PCM1: variants seen among roughly 807,000 people sequenced by gnomAD.
PCM1 encodes pericentriolar material 1 protein.
A neutral mutation model predicts 241.9 loss-of-function variants in PCM1; 157 were observed. That is an observed-to-expected ratio of 0.65 (90% CI 0.57 to 0.74). The LOEUF (loss-of-function observed/expected upper bound fraction) is 0.74, where lower values mean the gene tolerates loss of function less well. Among genes scored for constraint, PCM1 ranks in the 30% least tolerant of loss-of-function variants. PCM1 has a pLI of 0.00. For synonymous variants in PCM1, 1,085 were observed against 784.9 expected (o/e 1.38, Z -6.39); for missense variants, 3,478 against 2,360.1 (o/e 1.47, Z -9.81).
At position 17,957,723 on chromosome 8, in the gene PCM1, T is replaced by A. The variant is rs371881114; in HGVS notation, c.1988T>A (p.Met663Lys). The change falls in exon 13 of 39, where the codon ATG becomes AAG. Residue 663 changes from methionine to lysine, a missense_variant. By Grantham distance (95) the Met-to-Lys change is moderately conservative. Transcript: ENST00000325083. ...AEFEQKINRLMAAKQKLRQLQ... is the reference protein window; with the variant it reads ...AEFEQKINRLKAAKQKLRQLQ... ...TTTGAACAGAAGATCAACCGACTTA[T>A]GGCTGCAAAACAGAAACTTAGACAG... The A allele has an allele frequency of 3.3e-5, 53 of 1,613,622 alleles. No homozygotes were observed. The highest frequency in any genetic ancestry group is 4.2e-5 in the Non-Finnish European group (49 of 1,179,796).
chr8:18,001,483 A>G (rs2089404969), intron 29 of PCM1, among the ~76,000 whole-genome samples: 1 of 152,234 alleles, frequency 6.6e-6, no homozygotes, highest in Non-Finnish European at 1.5e-5. Flanking sequence ...GGTAAGCAGT[A>G]CTATTAATTT....
chr8:17,939,833 C>T lies in PCM1; in HGVS notation c.755C>T (p.Ser252Leu). ...LIDHLKEQEKSYMKFLKKILA... is the reference protein window; with the variant it reads ...LIDHLKEQEKLYMKFLKKILA... ...GATCACCTTAAAGAACAAGAGAAGT[C>T]ATATATGAAATTTCTTAAAAAAATC... Residue 252 changes from serine (S) to leucine (L), a missense_variant, in exon 6 of 39, where the codon TCA (serine) becomes TTA (leucine). Ser to Leu is a moderately radical substitution (Grantham distance 145). Transcript: ENST00000325083. 1 of 1,508,442 alleles carries T rather than the reference C, an allele frequency of 6.6e-7. No individual in the cohort carries two copies. Among genetic ancestry groups the T allele is most frequent in the Non-Finnish European group, 9.0e-7 (1 of 1,117,168 alleles). The allele number at this position is 1,508,442 out of a possible 1,614,324, so 93.4% of individuals were successfully genotyped here. A position where few individuals can be genotyped will look rare whatever the true frequency, so the allele number is the denominator to read the frequency against.
chr8:17,939,559 C>T, intron 5 of PCM1, 132 bp from the exon 6 acceptor site: 3 of 465,592 alleles, frequency 6.4e-6, no homozygotes, highest in Non-Finnish European at 7.3e-6. Flanking sequence ...TGTTAATTCA[C>T]ACAATAATCC....
intron 16 of PCM1, 21 bp from the exon 17 acceptor site, chr8:17,963,080 C>G (rs775397311): frequency 1.3e-6 from 2 of 1,560,094 alleles, no homozygotes; most frequent in South Asian, 1.2e-5. Context: ...TTATTTAACT[C>G]TGGTTTCTTA....
intron 23 of PCM1, among the ~76,000 whole-genome samples, chr8:17,975,080 A>G (rs1445045089): frequency 6.6e-6 from 1 of 152,040 alleles, no homozygotes; most frequent in Non-Finnish European, 1.5e-5. Context: ...ATCAGTATGT[A>G]TTTTTCTTCA....
chr8:18,008,039 G>A (rs144711927), intron 30 of PCM1, among the ~76,000 whole-genome samples: 2 of 152,338 alleles, frequency 1.3e-5, no homozygotes, highest in Non-Finnish European at 2.9e-5. Flanking sequence ...CAAGCACAGT[G>A]TTGGAGGGAT....
At chr8:17,940,502 A>C (rs904442528) in intron 6 of PCM1, among the ~76,000 whole-genome samples, 5 of 152,226 alleles carry the variant, frequency 3.3e-5, no homozygotes, top group Admixed American at 3.3e-4. Flanking sequence ...GGCAATAGGC[A>C]ACATTAGTGA....
At chr8:18,000,652 A>G (rs938841116) in intron 29 of PCM1, among the ~76,000 whole-genome samples, 2 of 151,876 alleles carry the variant, frequency 1.3e-5, no homozygotes, top group African/African-American at 4.8e-5. Flanking sequence ...ACAGAGGCTC[A>G]CTCTTATCAC....
At chr8:17,974,911 C>G (rs1451011980) in intron 23 of PCM1, among the ~76,000 whole-genome samples, 1 of 150,822 alleles carries the variant, frequency 6.6e-6, no homozygotes, top group Non-Finnish European at 1.5e-5. Context: ...GGCTTGATAG[C>G]AGAATCAAAC....
Position 18,025,651 on chromosome 8 carries a change from A to C in PCM1, c.6042A>C (p.Lys2014Asn). ...EELAGNSETL[K>N]EPETVGAQSI The stretch of plus-strand genomic sequence containing the variant: ...TAGCTGGAAATTCTGAGACACTAAA[A>C]GAACCTGGTAAGAGTTATCAATTTA... Residue 2014 changes from lysine (K) to asparagine (N), a missense_variant, in exon 38 of 39, where the codon AAA becomes AAC. By Grantham distance (94) the Lys-to-Asn change is moderately conservative. Coordinates refer to ENST00000325083, the MANE Select transcript of PCM1 (RefSeq NM_006197.4). The C allele has an allele frequency of 1.3e-6, 2 of 1,520,306 alleles. No homozygotes were observed. The highest frequency in any genetic ancestry group is 1.8e-6 in the Non-Finnish European group (2 of 1,113,732). 94.2% of individuals were successfully genotyped at this position (1,520,306 alleles called of 1,614,324 possible). A position where few individuals can be genotyped will look rare whatever the true frequency, so the allele number is the denominator to read the frequency against.
At chr8:17,963,345 C>G in intron 17 of PCM1, 54 bp downstream of exon 17, 1 of 1,364,032 alleles carries the variant, frequency 7.3e-7, no homozygotes, top group Non-Finnish European at 1.0e-6. Flanking sequence ...CGAAGATTGA[C>G]CTGTAGGCTA....
Position 17,964,587 on chromosome 8 carries a change from G to C in PCM1, c.2674G>C (p.Gly892Arg), listed in dbSNP as rs2074075706. 1.9e-6 allele frequency: 3 copies of C among 1,613,220 alleles called. No individual in the cohort carries two copies. In the South Asian group the frequency reaches 3.3e-5, roughly 18 times the overall value. ...RTEKTMATWG[G>R]STQCALDEEG... ...CACTAGAACGATGGCAACTTGGGGAGGGTCTACCCAGTGTGCACTAGATGA... is the reference window on the plus strand; with the variant it reads ...CACTAGAACGATGGCAACTTGGGGACGGTCTACCCAGTGTGCACTAGATGA... Residue 892 changes from glycine (G) to arginine (R), a missense_variant, in exon 18 of 39, where the codon GGG (glycine) becomes CGG (arginine). By Grantham distance (125) the Gly-to-Arg change is moderately radical (BLOSUM62 -2). Transcript: ENST00000325083.
intron 2 of PCM1, chr8:17,925,857 A>G (rs539110682): frequency 6.6e-6 from 1 of 152,326 alleles, no homozygotes; most frequent in East Asian, 1.9e-4. Context: ...AAACTTTTGT[A>G]GAAATCAATA....
Position 17,956,794 on chromosome 8 carries a change from G to C in PCM1, c.1646+17G>C. Reference sequence around the variant, plus strand: ...TAACATTCGGTAAGAACTTTTCTGGGGATGTTTTTCCAGCATATTCATTCT... The same window carrying C: ...TAACATTCGGTAAGAACTTTTCTGGCGATGTTTTTCCAGCATATTCATTCT... On this transcript the variant is annotated intron_variant, in intron 11 of 38. Coordinates refer to ENST00000325083, the MANE Select transcript of PCM1 (RefSeq NM_006197.4). The C allele has an allele frequency of 6.3e-7, 1 of 1,589,492 alleles. No homozygotes were observed. The highest frequency in any genetic ancestry group is 8.6e-7 in the Non-Finnish European group (1 of 1,162,726).
At chr8:17,955,911 T>A (rs2068162822) in intron 10 of PCM1, 2 of 476,588 alleles carry the variant, frequency 4.2e-6, no homozygotes, top group Non-Finnish European at 7.6e-6. Context: ...AGATTACAGT[T>A]AAAATATTTC....
intron 28 of PCM1, among the ~76,000 whole-genome samples, 160 bp downstream of exon 28, chr8:17,991,860 C>A (rs186361288): frequency 6.6e-6 from 1 of 152,140 alleles, no homozygotes; most frequent in African/African-American, 2.4e-5. Context: ...CCCCTTCCCA[C>A]CCTTTCCCCT....
At chr8:17,992,468 G>A (rs1156896357) in intron 28 of PCM1, among the ~76,000 whole-genome samples, 2 of 152,002 alleles carry the variant, frequency 1.3e-5, no homozygotes, top group Non-Finnish European at 2.9e-5. Flanking sequence ...GTATCACATT[G>A]TAGTTTGTGC....
intron 21 of PCM1, 90 bp downstream of exon 21, chr8:17,967,260 C>G (rs1365673109): frequency 3.6e-6 from 3 of 841,176 alleles, no homozygotes; most frequent in Non-Finnish European, 5.4e-6. Context: ...TTAACATTTT[C>G]TTTTGGAGTG....
intron 9 of PCM1, among the ~76,000 whole-genome samples, chr8:17,955,129 C>T (rs555383055): frequency 2.0e-5 from 3 of 152,180 alleles, no homozygotes; most frequent in Non-Finnish European, 2.9e-5. Flanking sequence ...CAAGTTTACT[C>T]GTTAGTTAAA....
Sources: allele counts gnomAD v4.1 joint callset (sites outside exome capture counted in the v4.1 genomes callset), GRCh38; gene constraint gnomAD v4.1.1; transcripts MANE v1.5; gene names NCBI Gene and HGNC (gene_info 2026-07-23, HGNC 2026-07-21).